The following ACSS1 variants were observed in gnomAD, a reference collection of about 807,000 sequenced individuals.
ACSS1 encodes the protein acetyl-coenzyme A synthetase 2-like, mitochondrial.
A neutral mutation model predicts 75.3 loss-of-function variants in ACSS1; 42 were observed. The ratio of observed to expected loss-of-function variants is 0.56; its 90% confidence interval spans 0.44 to 0.72. The LOEUF is 0.72. ACSS1 is among the 30% of genes least tolerant of loss of function. ACSS1 has a pLI of 0.00. For synonymous variants in ACSS1, 380 were observed against 376.8 expected (o/e 1.01, Z -0.10); for missense variants, 782 against 935.7 (o/e 0.84, Z 2.14).
At chr20:25,013,051 C>G (rs1349237652) in intron 10 of ACSS1, 112 bp from the exon 11 acceptor site, 54 of 1,512,424 alleles carry the variant, frequency 3.6e-5, no homozygotes, top group African/African-American at 6.9e-5. Flanking sequence ...TCTCGCCCAT[C>G]GGCCCTCCTT....
At chr20:25,054,809 CA>C (rs979245168) in intron 1 of ACSS1, among the ~76,000 whole-genome samples, 25 of 152,330 alleles carry the variant, frequency 1.6e-4, no homozygotes, top group African/African-American at 5.8e-4. Flanking sequence ...ATAGATCACA[CA>C]AAAATGGAGT....
At chr20:25,026,726 T>G (rs1387744688) in intron 3 of ACSS1, among the ~76,000 whole-genome samples, 2 of 152,196 alleles carry the variant, frequency 1.3e-5, no homozygotes, top group African/African-American at 4.8e-5. Context: ...AGCCCCTCAT[T>G]GACCCAACAG....
intron 5 of ACSS1, 110 bp downstream of exon 5, chr20:25,022,830 A>G: frequency 5.8e-6 from 8 of 1,390,204 alleles, no homozygotes; most frequent in Non-Finnish European, 7.5e-6. Flanking sequence ...GCCAGGAAGA[A>G]ACACTGACCT....
intron 6 of ACSS1, among the ~76,000 whole-genome samples, chr20:25,020,792 A>C (rs985215990): frequency 3.3e-5 from 5 of 152,266 alleles, no homozygotes; most frequent in African/African-American, 1.2e-4. Context: ...GTCCATGCAC[A>C]GTTGTCAGTG....
rs367899933 is a variant in ACSS1 at position 25,015,170 on chromosome 20, C to T, written c.1307G>A (p.Arg436Lys). ...CCACCAGGTGTCCACCAGCGTGCAC[C>T]TGCTGTCCCCCACCACCCTGTGAAG... is the stretch of plus-strand genomic sequence containing the variant. The part of the protein sequence containing the change: ...EWLHRVVGDS[R>K]CTLVDTWWQT... The change falls in exon 8 of 14, where the codon AGG becomes AAG. Residue 436 changes from arginine to lysine, a missense_variant. This residue lies in a region of ACSS1 where 405 missense variants were observed against 552.6 expected (regional missense o/e 0.73). Transcript: ENST00000323482. The T allele has an allele frequency of 6.8e-6, 11 of 1,613,250 alleles. No homozygotes were observed. The highest frequency in any genetic ancestry group is 9.3e-6 in the Non-Finnish European group (11 of 1,179,382).
At chr20:25,028,171 C>T (rs934307379) in intron 3 of ACSS1, among the ~76,000 whole-genome samples, 10 of 152,124 alleles carry the variant, frequency 6.6e-5, no homozygotes, top group Non-Finnish European at 1.3e-4. Context: ...TTAATATTGT[C>T]AATATGGCAA....
chr20:25,042,137 C>T (rs1394800102), intron 2 of ACSS1, among the ~76,000 whole-genome samples: 1 of 152,192 alleles, frequency 6.6e-6, no homozygotes. Context: ...GTGTGGGTCA[C>T]TGTGCTGCAG....
chr20:25,046,529 G>T, intron 2 of ACSS1: 2 of 467,164 alleles, frequency 4.3e-6, no homozygotes, highest in Non-Finnish European at 7.8e-6. Flanking sequence ...AGAGAAACTG[G>T]CCCTTCGGGG....
chr20:25,055,816 CAA>C (rs755058538), intron 1 of ACSS1, among the ~76,000 whole-genome samples: 1 of 152,152 alleles, frequency 6.6e-6, no homozygotes, highest in African/African-American at 2.4e-5. Flanking sequence ...CAGATCAGAC[CAA>C]AGTGTTCTCA....
intron 9 of ACSS1, 102 bp downstream of exon 9, chr20:25,013,859 T>C (rs2088466416): frequency 7.2e-7 from 1 of 1,382,374 alleles, no homozygotes; most frequent in Non-Finnish European, 1.0e-6. Context: ...AGCAGCCTCC[T>C]GCCAGGTACA....
rs900352746 is a variant in ACSS1, at chr20:25,046,995, AG to A, written c.431+1089del. 5.3e-6 allele frequency: 4 copies of A among 760,800 alleles called. No individual in the cohort carries two copies. The African/African-American group carries it at 6.8e-5, about 13-fold the overall frequency. 47.1% of individuals were successfully genotyped at this position (760,800 alleles called of 1,614,324 possible). On this transcript the variant is annotated intron_variant, in intron 2 of 13. Transcript: ENST00000323482. ...TGGGCCTGAGGGCTCCTGGGGGCCGAGGGGAGGAACGAGCAGGACAGGGCCC... is the reference window on the plus strand; with the variant it reads ...TGGGCCTGAGGGCTCCTGGGGGCCGAGGGAGGAACGAGCAGGACAGGGCCC...
rs775295429 is a variant in ACSS1 at position 25,007,871 on chromosome 20, C to A, written c.1961G>T (p.Ser654Ile). The change falls in exon 14 of 14, where the codon AGT (serine) becomes ATT (isoleucine). Residue 654 changes from serine (S) to isoleucine (I), a missense_variant. By Grantham distance (142) the Ser-to-Ile change is moderately radical (BLOSUM62 -2). Transcript: ENST00000323482. ...MRRLLRKIIT[S>I]EAQELGDTTT... ...AGTGTCTCCCAGCTCCTGGGCCTCA[C>A]TAGTGATGATCTTCCTCAGGAGCCG... The A allele has an allele frequency of 1.9e-6, 3 of 1,614,204 alleles. No homozygotes were observed. The East Asian group carries it at 6.7e-5, about 36-fold the overall frequency.
At chr20:25,031,043 T>C in intron 2 of ACSS1, 85 bp from the exon 3 acceptor site, 1 of 1,353,516 alleles carries the variant, frequency 7.4e-7, no homozygotes. Context: ...TACTGCAAAT[T>C]TTATGTCATA....
Position 25,022,794 on chromosome 20 carries a change from A to G in ACSS1, c.960+146T>C, listed in dbSNP as rs543426350. On this transcript the variant is annotated intron_variant, in intron 5 of 13. Transcript: ENST00000323482. ...CCCTGAGGAGCTGTAGGGTGGGAGG[A>G]CTCGAGGGGGCCCTGCCCCGAATAG... 265 of 1,113,848 alleles carry G rather than the reference A, an allele frequency of 2.4e-4. No homozygotes were observed. In the African/African-American group the frequency reaches 3.9e-3, roughly 17 times the overall value. The allele number at this position is 1,113,848 out of a possible 1,614,324, so 69.0% of individuals were successfully genotyped here.
At chr20:25,043,086 G>T (rs1357642015) in intron 2 of ACSS1, among the ~76,000 whole-genome samples, 4 of 151,822 alleles carry the variant, frequency 2.6e-5, no homozygotes, top group Non-Finnish European at 5.9e-5. Flanking sequence ...CAGGGACAGG[G>T]CAGGCAGGGC....
intron 10 of ACSS1, 113 bp downstream of exon 10, chr20:25,013,423 A>G (rs1208376072): frequency 7.2e-7 from 1 of 1,395,504 alleles, no homozygotes; most frequent in Non-Finnish European, 9.5e-7. Flanking sequence ...GCGAGCACCT[A>G]TTCCTGGCCA....
In ACSS1 at chr20:25,013,639, G is replaced by C. The variant is rs6115001; in HGVS notation, c.1476C>G (p.Asn492Lys). The change falls in exon 10 of 14, where the codon AAC (asparagine) becomes AAG (lysine). Residue 492 changes from asparagine (N) to lysine (K), a missense_variant. Physicochemically the swap from Asn to Lys is moderately conservative, Grantham distance 94 (BLOSUM62 0). Coordinates refer to ENST00000323482, the MANE Select transcript of ACSS1 (RefSeq NM_032501.4). ...GGGAGATGCACAGGGCCCCGGAGAC[G>C]TTGCTGCCCTCCACGACGCTGCCCT... is the stretch of plus-strand genomic sequence containing the variant. Reference protein sequence around the residue: ...DEKGSVVEGSNVSGALCISQA... With the variant: ...DEKGSVVEGSKVSGALCISQA... 2.1e-5 allele frequency: 33 copies of C among 1,605,850 alleles called. 1 individual carries two copies. The South Asian group carries it at 3.4e-4, about 17-fold the overall frequency.
At chr20:25,011,513 A>C (rs1473072060) in intron 12 of ACSS1, 1 of 152,326 alleles carries the variant, frequency 6.6e-6, no homozygotes, top group African/African-American at 2.4e-5. Context: ...GGCTCCTGCC[A>C]GAGCGAGGTA....
chr20:25,027,304 A>T (rs1390224589), intron 3 of ACSS1, among the ~76,000 whole-genome samples: 1 of 152,258 alleles, frequency 6.6e-6, no homozygotes, highest in Non-Finnish European at 1.5e-5. Context: ...GGCCAGCATT[A>T]CCCTGATACT....
Sources: gnomAD v4.1 joint callset for allele counts (sites outside exome capture counted in the v4.1 genomes callset) on GRCh38, gnomAD v4.1.1 for gene constraint, gnomAD v4.1.1 regional missense constraint, MANE v1.5 for transcripts, NCBI Gene and HGNC (gene_info 2026-07-23, HGNC 2026-07-21) for gene names.